MIA2: variants seen among roughly 807,000 people sequenced by gnomAD.
MIA2 encodes melanoma inhibitory activity protein 2.
Under a neutral mutation model 167.8 loss-of-function variants are expected in MIA2, and 127 were observed. The observed-to-expected ratio is 0.76, with a 90% CI of 0.66 to 0.88. The LOEUF is 0.88. MIA2 is among the 40% of genes least tolerant of loss of function. MIA2 has a pLI of 0.00. For missense variants in MIA2, 1,690 were observed against 1,624.7 expected (o/e 1.04, Z -0.69); for synonymous variants, 552 against 541.9 (o/e 1.02, Z -0.26).
At chr14:39,327,876 G>A (rs2067903434) in intron 25 of MIA2, among the ~76,000 whole-genome samples, 1 of 152,130 alleles carries the variant, frequency 6.6e-6, no homozygotes, top group African/African-American at 2.4e-5. Context: ...ACATTGATGG[G>A]CATTTGGGTT....
chr14:39,273,454 G>A (rs2057474536), intron 6 of MIA2, among the ~76,000 whole-genome samples: 1 of 152,056 alleles, frequency 6.6e-6, no homozygotes, highest in Admixed American at 6.5e-5. Context: ...CTGGGCACAG[G>A]TGATTCTCCC....
chr14:39,247,351 A>G lies in MIA2; in HGVS notation c.777A>G (p.Glu259=), dbSNP rs778936513. The part of the protein sequence containing the change: ...SSFRSRKIAV[E]DENDLEELNN... The stretch of plus-strand genomic sequence containing the variant: ...TTCGGAGTAGAAAAATAGCAGTGGA[A>G]GATGAGAATGACCTAGAGGAATTAA... Residue 259 remains glutamate (E), a synonymous_variant, in exon 4 of 29, where the codon GAA becomes GAG. Transcript: ENST00000640607. 2 of 1,614,152 alleles carry G rather than the reference A, an allele frequency of 1.2e-6. No homozygotes were observed. Among genetic ancestry groups the G allele is most frequent in the South Asian group, 2.2e-5 (2 of 91,078 alleles).
intron 3 of MIA2, among the ~76,000 whole-genome samples, chr14:39,241,722 C>T (rs7153523): frequency 0.5 from 76,556 of 152,076 alleles, 20,696 homozygotes; most frequent in African/African-American, 0.7. Flanking sequence ...CTTGTAAAAA[C>T]AAAAAATCTG....
intron 9 of MIA2, among the ~76,000 whole-genome samples, chr14:39,287,936 C>A (rs1406492263): frequency 1.3e-5 from 2 of 152,084 alleles, no homozygotes; most frequent in Non-Finnish European, 2.9e-5. Flanking sequence ...CCTCAACCTC[C>A]TGGGGTCATG....
chr14:39,267,508 G>C, intron 6 of MIA2: 2 of 1,613,702 alleles, frequency 1.2e-6, no homozygotes, highest in South Asian at 2.2e-5. Flanking sequence ...GCTGCTCCTG[G>C]AGGAGCTACG....
intron 23 of MIA2, among the ~76,000 whole-genome samples, chr14:39,367,154 C>T (rs1432489697): frequency 6.6e-6 from 1 of 152,156 alleles, no homozygotes; most frequent in Non-Finnish European, 1.5e-5. Flanking sequence ...TCCCTTTGTC[C>T]TGGGGGCAGC....
intron 6 of MIA2, among the ~76,000 whole-genome samples, chr14:39,263,389 CTT>C (rs1037043049): frequency 2.9e-5 from 4 of 138,254 alleles, no homozygotes; most frequent in Non-Finnish European, 1.6e-5. Flanking sequence ...ATGGATTGTT[CTT>C]TTTTTTTTTT....
intron 6 of MIA2, among the ~76,000 whole-genome samples, chr14:39,275,424 G>A (rs1290762495): frequency 6.6e-6 from 1 of 152,158 alleles, no homozygotes; most frequent in African/African-American, 2.4e-5. Context: ...GAGCCACTGC[G>A]CCCGGCCCTA....
intron 6 of MIA2, among the ~76,000 whole-genome samples, chr14:39,276,020 G>A (rs898638658): frequency 6.6e-6 from 1 of 152,164 alleles, no homozygotes; most frequent in African/African-American, 2.4e-5. Context: ...TGCTGTAGAG[G>A]TTTTGGGTTA....
chr14:39,341,113 C>A (rs939804261), intron 25 of MIA2, among the ~76,000 whole-genome samples: 1 of 151,980 alleles, frequency 6.6e-6, no homozygotes, highest in Non-Finnish European at 1.5e-5. Context: ...ACCAACCTGG[C>A]CAACATGGTG....
chr14:39,278,837 A>T (rs1476857413), intron 7 of MIA2, among the ~76,000 whole-genome samples: 1 of 152,208 alleles, frequency 6.6e-6, no homozygotes, highest in African/African-American at 2.4e-5. Flanking sequence ...GCTAATTCAC[A>T]ATGTGAATCT....
intron 23 of MIA2, among the ~76,000 whole-genome samples, chr14:39,368,082 T>G (rs1343935428): frequency 6.6e-6 from 1 of 152,202 alleles, no homozygotes; most frequent in Non-Finnish European, 1.5e-5. Context: ...TATAATGCAT[T>G]TACATGTGAG....
intron 25 of MIA2, among the ~76,000 whole-genome samples, chr14:39,332,118 T>C (rs7150685): frequency 0.2 from 30,284 of 152,094 alleles, 2,994 homozygotes; most frequent in Middle Eastern, 0.28. Context: ...GTCCCATATT[T>C]CTTGGAGGCT....
intron 25 of MIA2, among the ~76,000 whole-genome samples, chr14:39,342,491 T>C (rs912606522): frequency 3.9e-5 from 6 of 152,104 alleles, no homozygotes; most frequent in Non-Finnish European, 7.4e-5. Flanking sequence ...TGTGTCTTTA[T>C]AGCAGCATGA....
At chr14:39,266,402 T>C in intron 6 of MIA2, 1 of 985,378 alleles carries the variant, frequency 1.0e-6, no homozygotes, top group South Asian at 4.7e-5. Flanking sequence ...TTAGCTCCTC[T>C]TCTCGGAGGA....
At chr14:39,333,803 A>G (rs1352413018) in intron 25 of MIA2, among the ~76,000 whole-genome samples, 1 of 152,142 alleles carries the variant, frequency 6.6e-6, no homozygotes, top group Non-Finnish European at 1.5e-5. Flanking sequence ...TTACTCTACC[A>G]TACTAGAAAT....
At chr14:39,267,206 T>A (rs2055923667) in intron 6 of MIA2, 2 of 1,328,634 alleles carry the variant, frequency 1.5e-6, no homozygotes. Flanking sequence ...CGCAGGCTTG[T>A]GCGGGTCGGG....
chr14:39,282,869 G>T (rs1361813142), intron 9 of MIA2, among the ~76,000 whole-genome samples: 1 of 152,064 alleles, frequency 6.6e-6, no homozygotes, highest in Non-Finnish European at 1.5e-5. Flanking sequence ...CACCATACCC[G>T]GCCATATTTT....
intron 23 of MIA2, among the ~76,000 whole-genome samples, chr14:39,371,665 GT>G (rs2074949749): frequency 6.6e-6 from 1 of 152,224 alleles, no homozygotes; most frequent in Non-Finnish European, 1.5e-5. Flanking sequence ...AGTTAAGCAT[GT>G]TATACATTGT....
Sources: allele counts gnomAD v4.1 joint callset (sites outside exome capture counted in the v4.1 genomes callset), GRCh38; gene constraint gnomAD v4.1.1; transcripts MANE v1.5; gene names NCBI Gene and HGNC (gene_info 2026-07-23, HGNC 2026-07-21).